Variants in GRID2IP observed in about 807,000 individuals in gnomAD.
GRID2IP encodes Grid2 interacting protein.
In GRID2IP, 78 loss-of-function variants were observed where a neutral mutation model predicts 114.3. The observed-to-expected ratio is 0.68, with a 90% CI of 0.57 to 0.82. The LOEUF (loss-of-function observed/expected upper bound fraction) is 0.82. Ranked by LOEUF, GRID2IP falls within the 40% of genes least tolerant of loss-of-function variation. The probability of loss-of-function intolerance (pLI) is 0.00; values close to 1 mark genes in which losing one functional copy is unlikely to be tolerated. For missense variants in GRID2IP, 1,727 were observed against 1,678.5 expected (o/e 1.03, Z -0.51); for synonymous variants, 809 against 724.0 (o/e 1.12, Z -1.89).
intron 16 of GRID2IP, 101 bp from the exon 17 acceptor site, chr7:6,503,264 G>C (rs1786469829): frequency 8.5e-7 from 1 of 1,180,394 alleles, no homozygotes; most frequent in South Asian, 1.6e-5. Flanking sequence ...TGGCTGCTTC[G>C]GCCCGATATT....
At chr7:6,511,936 C>T in intron 8 of GRID2IP, among the ~76,000 whole-genome samples, 1 of 151,464 alleles carries the variant, frequency 6.6e-6, no homozygotes, top group Non-Finnish European at 1.5e-5. Flanking sequence ...TATTCAGAGT[C>T]TGGCTTTCTC....
In GRID2IP at chr7:6,526,533, C is replaced by A. The variant is rs1415128687; in HGVS notation, c.821G>T (p.Gly274Val). 25 of 1,232,658 alleles carry A rather than the reference C, an allele frequency of 2.0e-5. No homozygotes were observed. The highest frequency in any genetic ancestry group is 2.4e-5 in the Non-Finnish European group (24 of 988,300). The allele number at this position is 1,232,658 out of a possible 1,614,324, so 76.4% of individuals were successfully genotyped here. A position where few individuals can be genotyped will look rare whatever the true frequency, so the allele number is the denominator to read the frequency against. The change falls in exon 3 of 22, where the codon GGG becomes GTG. Residue 274 changes from glycine to valine, a missense_variant. Transcript: ENST00000457091. This position sits in a 1 kb window ranked among gnomAD's most constrained non-coding sequence, Gnocchi z 7.6. Reference protein sequence around the residue: ...SLLVGGLAGPGGARRTVRVYK... With the variant: ...SLLVGGLAGPVGARRTVRVYK... ...GAGCCCCGCGTACCTGCGCGCGCCC[C>A]CGGGGCCGGCGAGGCCGCCCACCAG... is the stretch of plus-strand genomic sequence containing the variant.
chr7:6,526,647 T>A lies in GRID2IP; in HGVS notation c.707A>T (p.Glu236Val). 1 of 1,394,452 alleles carries A rather than the reference T, an allele frequency of 7.2e-7. No individual in the cohort carries two copies. Among genetic ancestry groups the A allele is most frequent in the Non-Finnish European group, 9.3e-7 (1 of 1,075,350 alleles). 86.4% of individuals were successfully genotyped at this position (1,394,452 alleles called of 1,614,324 possible). A position where few individuals can be genotyped will look rare whatever the true frequency, so the allele number is the denominator to read the frequency against. The change falls in exon 3 of 22, where the codon GAG becomes GTG. Residue 236 changes from glutamate to valine, a missense_variant. Physicochemically the swap from Glu to Val is moderately radical, Grantham distance 121. Transcript: ENST00000457091. The surrounding 1 kb of genome is among the most constrained non-coding windows in gnomAD (Gnocchi z 7.6). ...CACCAGGAGGCGCTCCGGCCGCTCC[T>A]CGCTGCGGCTCCGGCGCAGTCGCTG... Reference protein sequence around the residue: ...GAQRLRRSRSEERPERLLVST... With the variant: ...GAQRLRRSRSVERPERLLVST...
In GRID2IP at chr7:6,521,977, G is replaced by C. The variant is rs1482003211; in HGVS notation, c.920-20C>G. The C allele has an allele frequency of 6.5e-7, 1 of 1,547,416 alleles. No individual in the cohort carries two copies. The highest frequency in any genetic ancestry group is 8.7e-7 in the Non-Finnish European group (1 of 1,143,370). ...GGCTCCCTGGAAGCAAGAAGAGAGG[G>C]TGTGCCGGTCAGCTGGGCAGGGTAC... On this transcript the variant is annotated intron_variant, in intron 4 of 21. Transcript: ENST00000457091. This position sits in a 1 kb window ranked among gnomAD's most constrained non-coding sequence, Gnocchi z 4.1.
In GRID2IP at chr7:6,536,786, T is replaced by C; in HGVS notation, c.584+2932A>G. 1 of 702,014 alleles carries C rather than the reference T, an allele frequency of 1.4e-6. No individual in the cohort carries two copies. Among genetic ancestry groups the C allele is most frequent in the Non-Finnish European group, 2.6e-6 (1 of 384,514 alleles). The allele number at this position is 702,014 out of a possible 1,614,324, so 43.5% of individuals were successfully genotyped here. A position where few individuals can be genotyped will look rare whatever the true frequency, so the allele number is the denominator to read the frequency against. ...TCTAGAAATAACTTTTTTCCTTTTT[T>C]CCCCTCTTCTGATTCTCCTAGCAAG... On this transcript the variant is annotated intron_variant, in intron 2 of 21. Coordinates refer to ENST00000457091, the MANE Select transcript of GRID2IP (RefSeq NM_001145118.2). This position sits in a 1 kb window ranked among gnomAD's most constrained non-coding sequence, Gnocchi z 5.3.
chr7:6,510,859 G>C, intron 9 of GRID2IP, 49 bp downstream of exon 9: 1 of 1,532,942 alleles, frequency 6.5e-7, no homozygotes, highest in Non-Finnish European at 8.8e-7. Context: ...CATTTTGCAG[G>C]TGGGAAAACT....
chr7:6,498,165 C>T lies in GRID2IP; in HGVS notation c.3463G>A (p.Glu1155Lys). 6.4e-7 allele frequency: 1 copy of T among 1,551,500 alleles called. No individual in the cohort carries two copies. Among genetic ancestry groups the T allele is most frequent in the Non-Finnish European group, 8.7e-7 (1 of 1,146,928 alleles). The change falls in exon 21 of 22, where the codon GAG becomes AAG. Residue 1155 changes from glutamate to lysine, a missense_variant. Glu to Lys is a moderately conservative substitution (Grantham distance 56). Transcript: ENST00000457091. ...ALDGLQREAM[E>K]ELGKALAFFG... is the part of the protein sequence containing the mutation. ...AAGGCCAGCGCCTTGCCCAGCTCCT[C>T]CATGGCCTCGCGCTGCAGCCCGTCG...
Position 6,497,860 on chromosome 7 carries a change from C to G in GRID2IP, c.3565-15G>C. On this transcript the variant is annotated splice_polypyrimidine_tract_variant and intron_variant, in intron 21 of 21. Transcript: ENST00000457091. ...CTCAGCGCTCGCTGGGGAGGGGGAA[C>G]ACAGAGGTAGGGTGGTCAGTGGTCC... is the stretch of plus-strand genomic sequence containing the variant. The G allele has an allele frequency of 2.6e-6, 4 of 1,547,726 alleles. No individual in the cohort carries two copies. The highest frequency in any genetic ancestry group is 3.5e-6 in the Non-Finnish European group (4 of 1,144,972).
Position 6,507,426 on chromosome 7 carries a change from G to C in GRID2IP, c.2544+559C>G, listed in dbSNP as rs1350220000. On this transcript the variant is annotated intron_variant, in intron 13 of 21. Coordinates refer to ENST00000457091, the MANE Select transcript of GRID2IP (RefSeq NM_001145118.2). The surrounding 1 kb of genome is among the most constrained non-coding windows in gnomAD (Gnocchi z 5.3). ...GTGAACCTTGTTCATCTTGCAGATT[G>C]GTTGGTCTGTGGATAAGATTGCTCT... Among the ~76,000 whole-genome samples the C allele has an allele frequency of 6.6e-6, 1 of 151,946 alleles. No individual in the cohort carries two copies. The highest frequency in any genetic ancestry group is 1.5e-5 in the Non-Finnish European group (1 of 68,006).
chr7:6,541,654 C>T (rs985017409), intron 1 of GRID2IP, among the ~76,000 whole-genome samples: 6 of 152,130 alleles, frequency 3.9e-5, no homozygotes, highest in Admixed American at 2.0e-4. Context: ...TGGAAACGAG[C>T]GTGCAAATGC....
At chr7:6,513,502 G>C (rs932254706) in intron 8 of GRID2IP, among the ~76,000 whole-genome samples, 5 of 151,842 alleles carry the variant, frequency 3.3e-5, no homozygotes, top group Non-Finnish European at 1.5e-5. Context: ...TTATAGGTGT[G>C]AGCCACCACG....
chr7:6,526,611 G>C lies in GRID2IP; in HGVS notation c.743C>G (p.Ala248Gly), dbSNP rs1779516296. 8.3e-7 allele frequency: 1 copy of C among 1,202,670 alleles called. No individual in the cohort carries two copies. Among genetic ancestry groups the C allele is most frequent in the Non-Finnish European group, 1.0e-6 (1 of 969,634 alleles). The allele number at this position is 1,202,670 out of a possible 1,614,324, so 74.5% of individuals were successfully genotyped here. ...RPERLLVSTR[A>G]SAPPRRPDEP... The stretch of plus-strand genomic sequence containing the variant: ...ATCGGGGCGGCGCGGCGGGGCGCTG[G>C]CGCGCGTGGACACCAGGAGGCGCTC... The change falls in exon 3 of 22, where the codon GCC becomes GGC. Residue 248 changes from alanine to glycine, a missense_variant. Coordinates refer to ENST00000457091, the MANE Select transcript of GRID2IP (RefSeq NM_001145118.2). This position sits in a 1 kb window ranked among gnomAD's most constrained non-coding sequence, Gnocchi z 7.6.
intron 7 of GRID2IP, among the ~76,000 whole-genome samples, chr7:6,515,791 T>A (rs1779283882): frequency 1.3e-5 from 2 of 150,934 alleles, no homozygotes; most frequent in African/African-American, 2.4e-5. Flanking sequence ...CTCAAAAAAA[T>A]AAATAAATAA....
intron 7 of GRID2IP, among the ~76,000 whole-genome samples, chr7:6,515,437 G>A (rs543770616): frequency 7.2e-5 from 11 of 151,768 alleles, no homozygotes; most frequent in African/African-American, 2.4e-4. Context: ...CTCCAGCCTG[G>A]GTGACAGAGC....
At chr7:6,531,440 AC>A (rs1174727076) in intron 2 of GRID2IP, among the ~76,000 whole-genome samples, 1 of 151,620 alleles carries the variant, frequency 6.6e-6, no homozygotes, top group Non-Finnish European at 1.5e-5. Context: ...TGCGCCCCGG[AC>A]CCCCACACAG....
In GRID2IP at chr7:6,516,378, T is replaced by C. The variant is rs547104303; in HGVS notation, c.1269-1849A>G. On this transcript the variant is annotated intron_variant, in intron 7 of 21. Transcript: ENST00000457091. This position sits in a 1 kb window ranked among gnomAD's most constrained non-coding sequence, Gnocchi z 4.3. Reference sequence around the variant, plus strand: ...ATTACTGTTTATTCCAATATTATAATAATCTTTGTCCTACAATTATAACCT... The same window carrying C: ...ATTACTGTTTATTCCAATATTATAACAATCTTTGTCCTACAATTATAACCT... 6.6e-6 allele frequency among the ~76,000 whole-genome samples: 1 copy of C among 152,324 alleles called. No individual in the cohort carries two copies. Among genetic ancestry groups the C allele is most frequent in the East Asian group, 1.9e-4 (1 of 5,186 alleles).
rs1408050288 is a variant in GRID2IP, at chr7:6,528,471, A to G, written c.585-1702T>C. Among the ~76,000 whole-genome samples the G allele has an allele frequency of 1.3e-5, 2 of 152,186 alleles. No homozygotes were observed. The highest frequency in any genetic ancestry group is 4.8e-5 in the African/African-American group (2 of 41,450). The stretch of plus-strand genomic sequence containing the variant: ...AGACTTCAGCGCTCAGCACTGTGGC[A>G]GGACCTCTAACAAGAGCCCCTGAAG... On this transcript the variant is annotated intron_variant, in intron 2 of 21. Transcript: ENST00000457091. This position sits in a 1 kb window ranked among gnomAD's most constrained non-coding sequence, Gnocchi z 6.0.
At position 6,551,290 on chromosome 7, in the gene GRID2IP, G is replaced by T. The variant is rs1323271746; in HGVS notation, c.147C>A (p.Ile49=). ...HAGGLRPGDQ[I]LEVEGLAVGG... ...CCACCGCCAGCCCCTCCACCTCCAGGATCTGGTCTCCTGGCCGCAGTCCTC... is the reference window on the plus strand; with the variant it reads ...CCACCGCCAGCCCCTCCACCTCCAGTATCTGGTCTCCTGGCCGCAGTCCTC... The change falls in exon 1 of 22, where the codon ATC becomes ATA. Residue 49 remains isoleucine, a synonymous_variant. Transcript: ENST00000457091. 1 of 1,541,708 alleles carries T rather than the reference G, an allele frequency of 6.5e-7. No homozygotes were observed. Among genetic ancestry groups the T allele is most frequent in the Admixed American group, 2.0e-5 (1 of 50,968 alleles).
At chr7:6,547,519 A>T (rs562966693) in intron 1 of GRID2IP, among the ~76,000 whole-genome samples, 11 of 152,204 alleles carry the variant, frequency 7.2e-5, no homozygotes, top group Admixed American at 5.2e-4. Context: ...CTGCACTCCA[A>T]TCTGGGCAAC....
Sources: gnomAD v4.1 joint callset for allele counts (sites outside exome capture counted in the v4.1 genomes callset) on GRCh38, gnomAD v4.1.1 for gene constraint, Gnocchi (gnomAD v3.1) non-coding constraint, MANE v1.5 for transcripts, NCBI Gene and HGNC (gene_info 2026-07-23, HGNC 2026-07-21) for gene names.